The following NACC2 variants were observed in gnomAD, a reference collection of about 807,000 sequenced individuals.
NACC2 encodes nucleus accumbens-associated protein 2.
Under a neutral mutation model 25.1 loss-of-function variants are expected in NACC2, and 8 were observed. The ratio of observed to expected loss-of-function variants is 0.32; its 90% confidence interval spans 0.19 to 0.57. The LOEUF (loss-of-function observed/expected upper bound fraction) is 0.57, where lower values mean the gene tolerates loss of function less well. Among genes scored for constraint, NACC2 ranks in the 20% least tolerant of loss-of-function variants. The probability of loss-of-function intolerance (pLI) is 0.89; values close to 1 mark genes in which losing one functional copy is unlikely to be tolerated. For missense variants in NACC2, 644 were observed against 650.2 expected (o/e 0.99, Z 0.10); for synonymous variants, 435 against 294.7 (o/e 1.48, Z -4.88).
chr9:136,075,910 C>T (rs1830258792), intron 1 of NACC2, among the ~76,000 whole-genome samples: 1 of 152,208 alleles, frequency 6.6e-6, no homozygotes, highest in Admixed American at 6.5e-5. Context: ...CCAGGAGCAG[C>T]CCCGCAGCCC....
At chr9:136,087,564 C>T (rs768173461) in intron 1 of NACC2, among the ~76,000 whole-genome samples, 6 of 152,186 alleles carry the variant, frequency 3.9e-5, no homozygotes, top group East Asian at 1.9e-4. Flanking sequence ...CTTCTGGGGC[C>T]GCCTGGGAGC....
At chr9:136,047,705 C>G (rs1004574360) in intron 2 of NACC2, among the ~76,000 whole-genome samples, 2 of 152,158 alleles carry the variant, frequency 1.3e-5, no homozygotes, top group Non-Finnish European at 2.9e-5. Flanking sequence ...CGTCCCCACC[C>G]AACACACATC....
At chr9:136,064,739 C>T (rs143556166) in intron 1 of NACC2, among the ~76,000 whole-genome samples, 109 of 152,168 alleles carry the variant, frequency 7.2e-4, no homozygotes, top group African/African-American at 1.9e-3. Flanking sequence ...CATATGGAAA[C>T]GCAAGGGACC....
chr9:136,067,111 A>G (rs1438601540), intron 1 of NACC2, among the ~76,000 whole-genome samples: 7 of 151,996 alleles, frequency 4.6e-5, no homozygotes, highest in Admixed American at 2.0e-4. Context: ...AAAATTAGCC[A>G]GGCGTGGTGG....
chr9:136,088,673 C>T lies in NACC2; in HGVS notation c.-60+6516G>A, dbSNP rs192364612. Among the ~76,000 whole-genome samples the T allele has an allele frequency of 1.3e-3, 192 of 152,264 alleles. 1 individual carries two copies. Among genetic ancestry groups the T allele is most frequent in the Middle Eastern group, 3.4e-3 (1 of 294 alleles). On this transcript the variant is annotated intron_variant, in intron 1 of 5. Transcript: ENST00000277554. Reference sequence around the variant, plus strand: ...CCCCACCCAGCCGGCCAGGAGGCATCGTGGTCTGGGGTCACTGAGACACAG... The same window carrying T: ...CCCCACCCAGCCGGCCAGGAGGCATTGTGGTCTGGGGTCACTGAGACACAG...
intron 2 of NACC2, among the ~76,000 whole-genome samples, chr9:136,049,321 G>A (rs993813038): frequency 1.4e-4 from 21 of 152,186 alleles, no homozygotes; most frequent in South Asian, 1.2e-3. Context: ...ACCGCGTGGC[G>A]CCAGGCCCTT....
At chr9:136,043,992 T>G (rs1564228595) in intron 2 of NACC2, among the ~76,000 whole-genome samples, 1 of 152,096 alleles carries the variant, frequency 6.6e-6, no homozygotes, top group Non-Finnish European at 1.5e-5. Context: ...ACCCGGCTAA[T>G]TTTTGTATTT....
chr9:136,061,293 C>A (rs1334337131), intron 1 of NACC2, among the ~76,000 whole-genome samples: 1 of 152,160 alleles, frequency 6.6e-6, no homozygotes, highest in Non-Finnish European at 1.5e-5. Flanking sequence ...AGCCTCCAGC[C>A]ACTGGGACCC....
chr9:136,049,891 C>T lies in NACC2; in HGVS notation c.631G>A (p.Ala211Thr). 1.7e-6 allele frequency: 1 copy of T among 592,678 alleles called. No homozygotes were observed. Among genetic ancestry groups the T allele is most frequent in the South Asian group, 1.9e-5 (1 of 51,868 alleles). The allele number at this position is 592,678 out of a possible 1,614,324, so 36.7% of individuals were successfully genotyped here. ...VAVAAGAAVA[A>T]GTAPLKLPRV... is the part of the protein sequence containing the mutation. ...GGCAGTTTGAGAGGGGCTGTGCCCG[C>T]CGCCACCGCAGCCCCCGCGGCCACC... The change falls in exon 2 of 6, where the codon GCG becomes ACG. Residue 211 changes from alanine (A) to threonine (T), a missense_variant. Transcript: ENST00000277554.
In NACC2 at chr9:136,055,577, A is replaced by G. The variant is rs1347629447; in HGVS notation, c.-59-4997T>C. 6.6e-6 allele frequency among the ~76,000 whole-genome samples: 1 copy of G among 152,246 alleles called. No homozygotes were observed. The highest frequency in any genetic ancestry group is 1.5e-5 in the Non-Finnish European group (1 of 68,042). ...GTAAAGCACTTTCTAAGCCCAGCAC[A>G]GCAAACCAGAGGAATGCGGCACTGA... On this transcript the variant is annotated intron_variant, in intron 1 of 5. Transcript: ENST00000277554. The surrounding 1 kb of genome is among the most constrained non-coding windows in gnomAD (Gnocchi z 4.9).
intron 1 of NACC2, among the ~76,000 whole-genome samples, chr9:136,058,778 C>A (rs1166321546): frequency 6.6e-6 from 1 of 152,234 alleles, no homozygotes. Flanking sequence ...ACCAGAGATT[C>A]GGAATAGCCC....
chr9:136,079,928 C>A (rs1321337357), intron 1 of NACC2, among the ~76,000 whole-genome samples: 2 of 152,216 alleles, frequency 1.3e-5, no homozygotes, highest in East Asian at 3.9e-4. Flanking sequence ...CCAAGGAAAG[C>A]TTTTGGAGCT....
chr9:136,032,706 A>G (rs1011099017), intron 2 of NACC2, among the ~76,000 whole-genome samples: 6 of 152,132 alleles, frequency 3.9e-5, no homozygotes, highest in Non-Finnish European at 8.8e-5. Context: ...AGACCAGCCC[A>G]TCCAACATGG....
At chr9:136,081,019 G>A (rs1002741293) in intron 1 of NACC2, among the ~76,000 whole-genome samples, 3 of 152,180 alleles carry the variant, frequency 2.0e-5, no homozygotes, top group Admixed American at 6.5e-5. Flanking sequence ...AGGTGATGGA[G>A]GAGGAAGTTT....
intron 2 of NACC2, among the ~76,000 whole-genome samples, chr9:136,047,300 C>T (rs994533664): frequency 3.3e-5 from 5 of 152,252 alleles, no homozygotes; most frequent in Non-Finnish European, 7.4e-5. Context: ...CCCATGGCAC[C>T]GCCAACCCAG....
chr9:136,051,353 G>A (rs1840831974), intron 1 of NACC2, among the ~76,000 whole-genome samples: 2 of 152,208 alleles, frequency 1.3e-5, no homozygotes, highest in South Asian at 4.1e-4. Context: ...CCCACTCGCG[G>A]ACGCCCCCCA....
chr9:136,051,711 C>T (rs1466604615), intron 1 of NACC2, among the ~76,000 whole-genome samples: 4 of 152,132 alleles, frequency 2.6e-5, no homozygotes, highest in Non-Finnish European at 5.9e-5. Context: ...GAGAAGTTGC[C>T]GGCCGGTCGG....
rs1840017692 is a variant in NACC2, at chr9:136,006,729, T to TAA, written c.*4785_*4786dup. 6.6e-6 allele frequency: 1 copy of TAA among 151,676 alleles called. No individual in the cohort carries two copies. The highest frequency in any genetic ancestry group is 2.1e-4 in the South Asian group (1 of 4,828). 9.4% of individuals were successfully genotyped at this position (151,676 alleles called of 1,614,324 possible). A position where few individuals can be genotyped will look rare whatever the true frequency, so the allele number is the denominator to read the frequency against. ...TTATTGATACAATGTCAGCCATGGC[T>TAA]AAAAAGTAACAGTCTTGACTCTACC... On this transcript the variant is annotated 3_prime_UTR_variant, in exon 6 of 6. Coordinates refer to ENST00000277554, the MANE Select transcript of NACC2 (RefSeq NM_144653.5).
rs565707319 is a variant in NACC2, at chr9:136,026,615, T to G, written c.887-10186A>C. 2.0e-5 allele frequency among the ~76,000 whole-genome samples: 3 copies of G among 152,162 alleles called. No individual in the cohort carries two copies. The East Asian group carries it at 5.8e-4, about 29-fold the overall frequency. On this transcript the variant is annotated intron_variant, in intron 2 of 5. Coordinates refer to ENST00000277554, the MANE Select transcript of NACC2 (RefSeq NM_144653.5). ...GACAGTGAAAAGCATGGGGAAAAAATGTGCAGATAAATATAAACACAATGA... is the reference window on the plus strand; with the variant it reads ...GACAGTGAAAAGCATGGGGAAAAAAGGTGCAGATAAATATAAACACAATGA...
Sources: allele counts gnomAD v4.1 joint callset (sites outside exome capture counted in the v4.1 genomes callset), GRCh38; gene constraint gnomAD v4.1.1; non-coding constraint Gnocchi (gnomAD v3.1); transcripts MANE v1.5; gene names NCBI Gene and HGNC (gene_info 2026-07-23, HGNC 2026-07-21).